Variants in LRP5 observed in about 807,000 individuals in gnomAD.
The protein encoded by LRP5 is low-density lipoprotein receptor-related protein 5.
Under a neutral mutation model 154.1 loss-of-function variants are expected in LRP5, and 62 were observed. The observed-to-expected ratio is 0.40, with a 90% CI of 0.33 to 0.50. The LOEUF is 0.50. Ranked by LOEUF, LRP5 falls within the 20% of genes least tolerant of loss-of-function variation. LRP5 has a pLI of 0.55. For missense variants in LRP5, 1,915 were observed against 2,336.7 expected, an observed-to-expected ratio of 0.82 and a Z score of 3.72; for synonymous variants, 966 against 1,011.5, an observed-to-expected ratio of 0.96 and a Z score of 0.85.
chr11:68,344,744 T>A (rs1327758523), intron 1 of LRP5, among the ~76,000 whole-genome samples: 1 of 151,610 alleles, frequency 6.6e-6, no homozygotes, highest in Non-Finnish European at 1.5e-5. Flanking sequence ...AAGTACCTCA[T>A]ATAAATTGAA....
the LRP5 span, among the ~76,000 whole-genome samples, chr11:68,299,211 G>T: frequency 6.6e-6 from 1 of 152,310 alleles, no homozygotes. Context: ...GCCCCACCCT[G>T]CTGTGAAGCT....
At chr11:68,318,093 C>T (rs1266720885) in intron 1 of LRP5, among the ~76,000 whole-genome samples, 2 of 146,028 alleles carry the variant, frequency 1.4e-5, no homozygotes, top group Admixed American at 6.9e-5. Flanking sequence ...CTTGCTCTGT[C>T]GCCCAGGCTG....
At chr11:68,416,200 G>T in intron 12 of LRP5, 128 bp from the exon 13 acceptor site, 1 of 780,474 alleles carries the variant, frequency 1.3e-6, no homozygotes. Context: ...TGGTCCCCCC[G>T]TCTTTCCCGT....
chr11:68,443,581 A>T (rs370338646), intron 21 of LRP5, among the ~76,000 whole-genome samples: 3,022 of 36,132 alleles, frequency 0.084, 161 homozygotes, highest in African/African-American at 0.18. Flanking sequence ...ATATATATAT[A>T]TATATTTTTT....
intron 15 of LRP5, among the ~76,000 whole-genome samples, chr11:68,425,582 G>C (rs1454145804): frequency 6.6e-6 from 1 of 152,230 alleles, no homozygotes; most frequent in East Asian, 1.9e-4. Flanking sequence ...ACCTGCGCAA[G>C]AAGCTGCTCT....
intron 7 of LRP5, among the ~76,000 whole-genome samples, chr11:68,397,357 A>G (rs534223897): frequency 2.9e-4 from 44 of 152,082 alleles, no homozygotes; most frequent in African/African-American, 8.2e-4. Context: ...TCTGAGGCCC[A>G]CGCTCCAGTG....
chr11:68,439,605 AGT>A lies in LRP5; in HGVS notation c.4349-171_4349-170del, dbSNP rs540532090. 5.3e-5 allele frequency among the ~76,000 whole-genome samples: 8 copies of A among 152,212 alleles called. No individual in the cohort carries two copies. The South Asian group carries it at 1.7e-3, about 32-fold the overall frequency. ...AGATGAGCCCCGGGGAGCTCACTCT[AGT>A]AGTGGCCAGAGAGGCCTGCGGCTCA... is the stretch of plus-strand genomic sequence containing the variant. On this transcript the variant is annotated intron_variant, in intron 20 of 22. Transcript: ENST00000294304.
intron 16 of LRP5, among the ~76,000 whole-genome samples, chr11:68,428,436 G>T (rs1033673265): frequency 1.3e-5 from 2 of 152,186 alleles, no homozygotes; most frequent in East Asian, 3.9e-4. Flanking sequence ...ACTGTTGGGA[G>T]GGCTGTGCTT....
rs748523147 is a variant in LRP5 at position 68,411,670 on chromosome 11, C to T, written c.2503+50C>T. On this transcript the variant is annotated intron_variant, in intron 11 of 22. Transcript: ENST00000294304. Reference sequence around the variant, plus strand: ...GGTCATGGAGGGCGGGGCAGCCGGGCGTTGGCCACCTCCCAGCCTCGCCGC... The same window carrying T: ...GGTCATGGAGGGCGGGGCAGCCGGGTGTTGGCCACCTCCCAGCCTCGCCGC... 5.8e-6 allele frequency: 9 copies of T among 1,553,822 alleles called. No homozygotes were observed. The African/African-American group carries it at 6.7e-5, about 12-fold the overall frequency.
Position 68,406,660 on chromosome 11 carries a change from C to G in LRP5, c.1938C>G (p.Phe646Leu), listed in dbSNP as rs751387901. Reference sequence around the variant, plus strand: ...AGACCTGCATCGTGCCTGAGGCCTTCTTGGTCTTCACCAGCAGAGCCGCCA... The same window carrying G: ...AGACCTGCATCGTGCCTGAGGCCTTGTTGGTCTTCACCAGCAGAGCCGCCA... The part of the protein sequence containing the change: ...DMKTCIVPEA[F>L]LVFTSRAAIH... Residue 646 changes from phenylalanine to leucine, a missense_variant, in exon 9 of 23, where the codon TTC becomes TTG. Transcript: ENST00000294304. The G allele has an allele frequency of 1.2e-6, 2 of 1,614,188 alleles. No individual in the cohort carries two copies. Among genetic ancestry groups the G allele is most frequent in the Non-Finnish European group, 8.5e-7 (1 of 1,180,042 alleles).
intron 1 of LRP5, among the ~76,000 whole-genome samples, chr11:68,341,059 CTT>C (rs576462333): frequency 3.6e-4 from 30 of 83,444 alleles, no homozygotes; most frequent in African/African-American, 4.8e-4. Flanking sequence ...GGAGATTGTT[CTT>C]TTTTTTTTTT....
chr11:68,328,108 G>A (rs774335846), intron 1 of LRP5, among the ~76,000 whole-genome samples: 8 of 152,210 alleles, frequency 5.3e-5, no homozygotes, highest in Admixed American at 2.0e-4. Flanking sequence ...AAGGCAAACC[G>A]TGGCATTCCC....
intron 13 of LRP5, among the ~76,000 whole-genome samples, chr11:68,417,353 C>T (rs1461164738): frequency 6.8e-6 from 1 of 146,246 alleles, no homozygotes; most frequent in Non-Finnish European, 1.5e-5. Flanking sequence ...TTTGCATTCA[C>T]TTAATGTTTC....
At chr11:68,374,844 C>T (rs567888298) in intron 5 of LRP5, among the ~76,000 whole-genome samples, 14 of 152,308 alleles carry the variant, frequency 9.2e-5, no homozygotes, top group South Asian at 4.1e-4. Flanking sequence ...GCATCATATT[C>T]CTGGAGAACG....
chr11:68,370,502 C>T (rs934736893), intron 5 of LRP5, among the ~76,000 whole-genome samples: 1 of 152,148 alleles, frequency 6.6e-6, no homozygotes, highest in African/African-American at 2.4e-5. Flanking sequence ...TGGCATGGAG[C>T]TGACACCACA....
intron 5 of LRP5, among the ~76,000 whole-genome samples, chr11:68,379,592 T>A (rs1264299553): frequency 2.6e-5 from 4 of 152,238 alleles, no homozygotes; most frequent in Non-Finnish European, 5.9e-5. Flanking sequence ...CTGACTGCTG[T>A]TTCTCCTGTT....
Position 68,318,530 on chromosome 11 carries a change from G to A in LRP5, c.91+5725G>A, listed in dbSNP as rs1310606435. ...ATTTTGTTGTTTTTTGTAGAGACAG[G>A]GTTTCACTATGTTGCCCAGGCTGGT... On this transcript the variant is annotated intron_variant, in intron 1 of 22. Transcript: ENST00000294304. 2.6e-5 allele frequency among the ~76,000 whole-genome samples: 4 copies of A among 151,722 alleles called. No individual in the cohort carries two copies. In the East Asian group the frequency reaches 5.8e-4, roughly 22 times the overall value.
intron 13 of LRP5, among the ~76,000 whole-genome samples, chr11:68,417,551 C>A (rs1294979427): frequency 6.9e-6 from 1 of 145,780 alleles, no homozygotes; most frequent in African/African-American, 2.5e-5. Context: ...ACCTTTGCCT[C>A]CTATGTTCAA....
chr11:68,391,548 T>C (rs1344322413), intron 7 of LRP5, among the ~76,000 whole-genome samples: 2 of 152,188 alleles, frequency 1.3e-5, no homozygotes, highest in African/African-American at 4.8e-5. Context: ...GTGTCTGTGT[T>C]GCAGGATTTC....
Sources: allele counts gnomAD v4.1 joint callset (sites outside exome capture counted in the v4.1 genomes callset), GRCh38; gene constraint gnomAD v4.1.1; transcripts MANE v1.5; gene names NCBI Gene and HGNC (gene_info 2026-07-23, HGNC 2026-07-21).